The following ANKS1A variants were observed in gnomAD, a reference collection of about 807,000 sequenced individuals.
ANKS1A encodes ankyrin repeat and sterile alpha motif domain containing 1A.
Under a neutral mutation model 120.3 loss-of-function variants are expected in ANKS1A, and 55 were observed. The ratio of observed to expected loss-of-function variants is 0.46; its 90% confidence interval spans 0.37 to 0.57. The LOEUF (loss-of-function observed/expected upper bound fraction) is 0.57, where lower values mean the gene tolerates loss of function less well. Ranked by LOEUF, ANKS1A falls within the 20% of genes least tolerant of loss-of-function variation. ANKS1A has a pLI of 0.00. For missense variants in ANKS1A, 1,123 were observed against 1,480.3 expected (o/e 0.76, Z 3.96); for synonymous variants, 590 against 604.7 (o/e 0.98, Z 0.36).
At position 34,977,957 on chromosome 6, in the gene ANKS1A, CT is replaced by C. The variant is rs576184211; in HGVS notation, c.436-3730del. 2.6e-5 allele frequency among the ~76,000 whole-genome samples: 4 copies of C among 151,892 alleles called. No homozygotes were observed. The East Asian group carries it at 7.7e-4, about 29-fold the overall frequency. Reference sequence around the variant, plus strand: ...GAGGAGAAAGGTCGGGAAAAAGTTTCTTTCTTCCTTTTTTTTTTTGAGATGG... The same window carrying C: ...GAGGAGAAAGGTCGGGAAAAAGTTTCTTCTTCCTTTTTTTTTTTGAGATGG... On this transcript the variant is annotated intron_variant, in intron 3 of 23. Coordinates refer to ENST00000360359, the MANE Select transcript of ANKS1A (RefSeq NM_015245.3).
chr6:34,959,706 G>A (rs551149960), intron 1 of ANKS1A, among the ~76,000 whole-genome samples: 1 of 152,292 alleles, frequency 6.6e-6, no homozygotes, highest in Non-Finnish European at 1.5e-5. Flanking sequence ...TCTTGCTTTT[G>A]CGATTCTTAT....
Position 35,069,012 on chromosome 6 carries a change from A to G in ANKS1A, c.2184+8759A>G, listed in dbSNP as rs970356584. On this transcript the variant is annotated intron_variant, in intron 13 of 23. Transcript: ENST00000360359. ...CTGACGTCTGGCCATTGGTGGGCCCAGGACTGCCCCTCCACACCATGGCCC... is the reference window on the plus strand; with the variant it reads ...CTGACGTCTGGCCATTGGTGGGCCCGGGACTGCCCCTCCACACCATGGCCC... Among the ~76,000 whole-genome samples the G allele has an allele frequency of 3.9e-5, 6 of 152,276 alleles. No individual in the cohort carries two copies. In the East Asian group the frequency reaches 1.2e-3, roughly 29 times the overall value.
At chr6:34,894,481 A>G (rs1487181674) in intron 1 of ANKS1A, among the ~76,000 whole-genome samples, 2 of 152,114 alleles carry the variant, frequency 1.3e-5, no homozygotes, top group Non-Finnish European at 2.9e-5. Flanking sequence ...CTGAAATCCC[A>G]TCTCTACGAA....
chr6:34,903,731 G>T (rs550474013), intron 1 of ANKS1A, among the ~76,000 whole-genome samples: 89 of 152,260 alleles, frequency 5.8e-4, no homozygotes, highest in African/African-American at 2.0e-3. Context: ...TGGCCAGGAT[G>T]GTCTCGATCT....
intron 1 of ANKS1A, among the ~76,000 whole-genome samples, chr6:34,940,087 T>C (rs189410516): frequency 6.6e-6 from 1 of 152,350 alleles, no homozygotes; most frequent in East Asian, 1.9e-4. Flanking sequence ...AGGCCAAGAA[T>C]AGTTACAAGA....
chr6:34,987,960 G>A (rs1472119410), intron 8 of ANKS1A, among the ~76,000 whole-genome samples: 1 of 152,182 alleles, frequency 6.6e-6, no homozygotes, highest in Non-Finnish European at 1.5e-5. Flanking sequence ...CCAGGGCTTT[G>A]GAATATAAAC....
rs1451056141 is a variant in ANKS1A, at chr6:35,089,368, CCT to C, written c.*763_*764del. Reference sequence around the variant, plus strand: ...TCTTAGCCAGCACCAGAGCGCCAGGCCTCTCCCTGGCCTCTTACCTGTCAGTG... The same window carrying C: ...TCTTAGCCAGCACCAGAGCGCCAGGCCTCCCTGGCCTCTTACCTGTCAGTG... On this transcript the variant is annotated 3_prime_UTR_variant, in exon 24 of 24. Coordinates refer to ENST00000360359, the MANE Select transcript of ANKS1A (RefSeq NM_015245.3). The C allele has an allele frequency of 3.0e-6, 3 of 986,766 alleles. No homozygotes were observed. In the African/African-American group the frequency reaches 5.2e-5, roughly 17 times the overall value. 61.1% of individuals were successfully genotyped at this position (986,766 alleles called of 1,614,324 possible). A position where few individuals can be genotyped will look rare whatever the true frequency, so the allele number is the denominator to read the frequency against.
intron 3 of ANKS1A, among the ~76,000 whole-genome samples, chr6:34,973,924 TC>T (rs1771334945): frequency 1.3e-5 from 1 of 79,076 alleles, no homozygotes; most frequent in African/African-American, 4.9e-5. Flanking sequence ...CCCTTCCCCT[TC>T]CCCTTCCCTT....
At chr6:35,043,228 C>T (rs1376688262) in intron 11 of ANKS1A, among the ~76,000 whole-genome samples, 1 of 152,198 alleles carries the variant, frequency 6.6e-6, no homozygotes, top group Non-Finnish European at 1.5e-5. Flanking sequence ...ATTTGACTTG[C>T]GTGAGGTAAC....
chr6:35,082,727 C>G lies in ANKS1A; in HGVS notation c.2746C>G (p.Pro916Ala), dbSNP rs757688619. 6.2e-7 allele frequency: 1 copy of G among 1,612,694 alleles called. No homozygotes were observed. Among genetic ancestry groups the G allele is most frequent in the East Asian group, 2.2e-5 (1 of 44,772 alleles). ...HREAKLTLRP[P>A]SLAAPYAPVQ... ...TGAGGCCAAGCTGACCCTGCGGCCC[C>G]CGAGCCTGGCAGCCCCCTACGCCCC... Residue 916 changes from proline to alanine, a missense_variant, in exon 18 of 24, where the codon CCG (proline) becomes GCG (alanine). Physicochemically the swap from Pro to Ala is conservative, Grantham distance 27. This residue lies in a region of ANKS1A where 904 missense variants were observed against 1,130.4 expected (regional missense o/e 0.80). Transcript: ENST00000360359. This position sits in a 1 kb window ranked among gnomAD's most constrained non-coding sequence, Gnocchi z 4.1.
At chr6:35,032,420 T>C (rs952829999) in intron 11 of ANKS1A, among the ~76,000 whole-genome samples, 4 of 152,218 alleles carry the variant, frequency 2.6e-5, no homozygotes, top group African/African-American at 9.6e-5. Flanking sequence ...CTCTTGTTTG[T>C]GTGTGTGGCC....
intron 13 of ANKS1A, among the ~76,000 whole-genome samples, chr6:35,074,181 G>C (rs944299671): frequency 6.6e-6 from 1 of 152,370 alleles, no homozygotes; most frequent in African/African-American, 2.4e-5. Flanking sequence ...CAATGCTGGG[G>C]TTGAGTGGGA....
At chr6:35,073,482 C>T (rs937938362) in intron 13 of ANKS1A, among the ~76,000 whole-genome samples, 2 of 152,214 alleles carry the variant, frequency 1.3e-5, no homozygotes, top group African/African-American at 2.4e-5. Context: ...AGATCCCAGG[C>T]GAAGATCAGT....
Position 35,017,785 on chromosome 6 carries a change from C to T in ANKS1A, c.1736C>T (p.Ser579Leu). 1.2e-6 allele frequency: 2 copies of T among 1,614,172 alleles called. No individual in the cohort carries two copies. The highest frequency in any genetic ancestry group is 1.7e-6 in the Non-Finnish European group (2 of 1,180,034). ...LTGLPTTNSR[S>L]HPETLTHTAS... ...GGCCTGCCCACCACCAACAGCCGCTCGCACCCTGAAACTTTGACTCACACA... is the reference window on the plus strand; with the variant it reads ...GGCCTGCCCACCACCAACAGCCGCTTGCACCCTGAAACTTTGACTCACACA... Residue 579 changes from serine to leucine, a missense_variant, in exon 11 of 24, where the codon TCG becomes TTG. Coordinates refer to ENST00000360359, the MANE Select transcript of ANKS1A (RefSeq NM_015245.3).
At chr6:34,901,417 T>C (rs1767344871) in intron 1 of ANKS1A, among the ~76,000 whole-genome samples, 1 of 152,218 alleles carries the variant, frequency 6.6e-6, no homozygotes, top group African/African-American at 2.4e-5. Flanking sequence ...ACTTTAATCT[T>C]CACAATCCTT....
chr6:34,911,282 G>T (rs1261980050), intron 1 of ANKS1A, among the ~76,000 whole-genome samples: 2 of 152,188 alleles, frequency 1.3e-5, no homozygotes, highest in African/African-American at 2.4e-5. Context: ...TCCTTTCAGG[G>T]TTTATGTAGT....
chr6:34,984,892 T>C (rs1171774769), intron 7 of ANKS1A, among the ~76,000 whole-genome samples, 190 bp from the exon 8 acceptor site: 5 of 152,212 alleles, frequency 3.3e-5, no homozygotes, highest in Non-Finnish European at 5.9e-5. Context: ...AAAATCTGTT[T>C]AGATCTCAGG....
At chr6:34,909,360 A>G (rs556279582) in intron 1 of ANKS1A, among the ~76,000 whole-genome samples, 2 of 152,196 alleles carry the variant, frequency 1.3e-5, no homozygotes, top group Non-Finnish European at 2.9e-5. Context: ...GCCATGCTCT[A>G]TGTCTTCAAC....
intron 1 of ANKS1A, 30 bp from the exon 2 acceptor site, chr6:34,967,207 CTA>C: frequency 6.2e-7 from 1 of 1,602,912 alleles, no homozygotes; most frequent in Non-Finnish European, 8.5e-7. Flanking sequence ...TCTGTGAAAT[CTA>C]TGTCTCTCTC....
Sources: gnomAD v4.1 joint callset for allele counts (sites outside exome capture counted in the v4.1 genomes callset) on GRCh38, gnomAD v4.1.1 for gene constraint, gnomAD v4.1.1 regional missense constraint, Gnocchi (gnomAD v3.1) non-coding constraint, MANE v1.5 for transcripts, NCBI Gene and HGNC (gene_info 2026-07-23, HGNC 2026-07-21) for gene names.